C1orf21: variants seen among roughly 807,000 people sequenced by gnomAD.
C1orf21 encodes the protein uncharacterized protein C1orf21.
A neutral mutation model predicts 18.7 loss-of-function variants in C1orf21; 3 were observed. That is an observed-to-expected ratio of 0.16 (90% CI 0.07 to 0.42). C1orf21 has a LOEUF of 0.42. Among genes scored for constraint, C1orf21 ranks in the 10% least tolerant of loss-of-function variants. The pLI, the probability that C1orf21 is intolerant of heterozygous loss-of-function variation, is 0.99. For missense variants in C1orf21, 104 were observed against 143.6 expected, an observed-to-expected ratio of 0.72 and a Z score of 1.41; for synonymous variants, 41 against 46.4, an observed-to-expected ratio of 0.88 and a Z score of 0.47.
intron 3 of C1orf21, among the ~76,000 whole-genome samples, chr1:184,574,067 T>A (rs55699645): frequency 6.6e-6 from 1 of 151,078 alleles, no homozygotes; most frequent in South Asian, 2.1e-4. Context: ...TAGCTGGGCG[T>A]GGTGGTACAC....
intron 1 of C1orf21, among the ~76,000 whole-genome samples, chr1:184,414,550 C>T (rs866324923): frequency 3.3e-5 from 5 of 151,756 alleles, no homozygotes; most frequent in Admixed American, 6.6e-5. Context: ...TGTTTGTGTA[C>T]ACCAAAGCTT....
intron 2 of C1orf21, among the ~76,000 whole-genome samples, chr1:184,481,071 C>G (rs1219935177): frequency 6.6e-6 from 1 of 151,868 alleles, no homozygotes; most frequent in African/African-American, 2.4e-5. Context: ...TAGTGAGTGT[C>G]TGGTGAAGGG....
At chr1:184,524,707 G>A (rs1658353611) in intron 3 of C1orf21, among the ~76,000 whole-genome samples, 1 of 152,092 alleles carries the variant, frequency 6.6e-6, no homozygotes, top group East Asian at 1.9e-4. Context: ...CAGCTGGACA[G>A]TATAGCTTCA....
chr1:184,525,511 C>T (rs1213301374), intron 3 of C1orf21, among the ~76,000 whole-genome samples: 2 of 152,012 alleles, frequency 1.3e-5, no homozygotes, highest in African/African-American at 4.8e-5. Flanking sequence ...AATCAAAAGC[C>T]ATATCAAGGT....
chr1:184,406,540 G>C (rs913629133), intron 1 of C1orf21, among the ~76,000 whole-genome samples: 3 of 152,194 alleles, frequency 2.0e-5, no homozygotes, highest in African/African-American at 4.8e-5. Context: ...AACACTGCTG[G>C]TCTTCTCTAT....
intron 1 of C1orf21, among the ~76,000 whole-genome samples, chr1:184,476,867 A>G (rs1459207534): frequency 6.6e-6 from 1 of 152,188 alleles, no homozygotes; most frequent in Non-Finnish European, 1.5e-5. Flanking sequence ...CCAGAAATGT[A>G]TAAAGTAGCC....
chr1:184,398,210 C>T (rs544102342), intron 1 of C1orf21, among the ~76,000 whole-genome samples: 1 of 152,290 alleles, frequency 6.6e-6, no homozygotes, highest in East Asian at 1.9e-4. Flanking sequence ...GACTCTGTGC[C>T]TAGGTACTGT....
At chr1:184,456,399 G>A (rs901474039) in intron 1 of C1orf21, among the ~76,000 whole-genome samples, 2 of 152,170 alleles carry the variant, frequency 1.3e-5, no homozygotes, top group East Asian at 3.8e-4. Context: ...TCTCTTTTCA[G>A]TGAGTGCTTC....
intron 2 of C1orf21, among the ~76,000 whole-genome samples, chr1:184,483,040 T>C (rs1014085613): frequency 2.0e-5 from 3 of 152,224 alleles, no homozygotes; most frequent in African/African-American, 7.2e-5. Flanking sequence ...TACTTACATA[T>C]TTTCTTTCAC....
chr1:184,539,838 A>C (rs1033458497), intron 3 of C1orf21, among the ~76,000 whole-genome samples: 2 of 152,172 alleles, frequency 1.3e-5, no homozygotes, highest in Admixed American at 6.5e-5. Context: ...GGGAAGTCTT[A>C]AGACCCAATG....
chr1:184,562,111 C>A (rs1658975787), intron 3 of C1orf21, among the ~76,000 whole-genome samples: 1 of 152,038 alleles, frequency 6.6e-6, no homozygotes, highest in South Asian at 2.1e-4. Context: ...TTTCTAAGAA[C>A]AAACTAAATG....
chr1:184,393,783 T>C (rs530968433), intron 1 of C1orf21, among the ~76,000 whole-genome samples: 2 of 152,340 alleles, frequency 1.3e-5, no homozygotes, highest in East Asian at 3.9e-4. Context: ...CAAATTCGGC[T>C]TGCTAATCAC....
chr1:184,417,556 T>G (rs16823133), intron 1 of C1orf21, among the ~76,000 whole-genome samples: 10,756 of 152,296 alleles, frequency 0.071, 516 homozygotes, highest in African/African-American at 0.14. Flanking sequence ...TTTGAGGTTT[T>G]TAGCACTTAT....
At chr1:184,484,884 CTGTGTGTGTGTGTGTGTGTG>C (rs3034460) in intron 2 of C1orf21, among the ~76,000 whole-genome samples, 2 of 146,092 alleles carry the variant, frequency 1.4e-5, no homozygotes, top group African/African-American at 2.5e-5. Flanking sequence ...ATGCTTGTGG[CTGTGTGTGTGTGTGTGTGTG>C]TGTGTGTGTG....
At chr1:184,475,944 A>G (rs1293314340) in intron 1 of C1orf21, among the ~76,000 whole-genome samples, 3 of 152,208 alleles carry the variant, frequency 2.0e-5, no homozygotes, top group African/African-American at 7.2e-5. Flanking sequence ...ATAATTTAAC[A>G]TAACCACTGA....
chr1:184,441,533 G>A lies in C1orf21; in HGVS notation c.-124-35853G>A, dbSNP rs537254194. Among the ~76,000 whole-genome samples the A allele has an allele frequency of 5.9e-5, 9 of 152,320 alleles. 1 individual carries two copies. The South Asian group carries it at 1.9e-3, about 32-fold the overall frequency. On this transcript the variant is annotated intron_variant, in intron 1 of 5. Coordinates refer to ENST00000235307, the MANE Select transcript of C1orf21 (RefSeq NM_030806.4). ...CAATTCCAAAATAGGAGGGCAGTAG[G>A]AATGTTGAGTGATTATTATAATGTG...
At chr1:184,453,593 CCTTGA>C (rs1389085934) in intron 1 of C1orf21, among the ~76,000 whole-genome samples, 1 of 152,134 alleles carries the variant, frequency 6.6e-6, no homozygotes, top group Non-Finnish European at 1.5e-5. Context: ...TGTTCTGAAG[CCTTGA>C]CTTTGCTTGA....
intron 3 of C1orf21, among the ~76,000 whole-genome samples, chr1:184,543,331 T>G (rs1658683002): frequency 6.6e-6 from 1 of 152,048 alleles, no homozygotes; most frequent in Non-Finnish European, 1.5e-5. Flanking sequence ...AGAGCAAGAC[T>G]CAATCTCTTA....
chr1:184,617,589 A>C (rs1248526904), intron 5 of C1orf21, among the ~76,000 whole-genome samples: 1 of 152,162 alleles, frequency 6.6e-6, no homozygotes, highest in East Asian at 1.9e-4. Flanking sequence ...GGGCAGTGTC[A>C]CCAGGGAGGC....
Sources: allele counts gnomAD v4.1 joint callset (sites outside exome capture counted in the v4.1 genomes callset), GRCh38; gene constraint gnomAD v4.1.1; transcripts MANE v1.5; gene names NCBI Gene and HGNC (gene_info 2026-07-23, HGNC 2026-07-21).